Variants in MGAM observed in about 807,000 individuals in gnomAD.
MGAM encodes the protein maltase-glucoamylase, also known as alpha-1,4-glucosidase.
Under a neutral mutation model 358.8 loss-of-function variants are expected in MGAM, and 253 were observed. That is an observed-to-expected ratio of 0.71 (90% CI 0.64 to 0.78). The LOEUF (loss-of-function observed/expected upper bound fraction) is 0.78. Among genes scored for constraint, MGAM ranks in the 30% least tolerant of loss-of-function variants. MGAM has a pLI of 0.00. For missense variants in MGAM, 3,080 were observed against 3,432.6 expected, an observed-to-expected ratio of 0.90 and a Z score of 2.57; for synonymous variants, 1,105 against 1,227.1, an observed-to-expected ratio of 0.90 and a Z score of 2.08.
At position 142,080,801 on chromosome 7, in the gene MGAM, C is replaced by A; in HGVS notation, c.5858C>A (p.Pro1953His). Residue 1953 changes from proline to histidine, a missense_variant, in exon 50 of 71, where the codon CCC becomes CAC. Pro to His is a moderately conservative substitution (Grantham distance 77, BLOSUM62 -2). Around this residue, in one of 5 missense-constraint regions of MGAM, gnomAD observed 932 missense variants for 1,198.2 expected, o/e 0.78. Coordinates refer to ENST00000475668, the MANE Select transcript of MGAM (RefSeq NM_001365693.1). Reference protein sequence around the residue: ...NEMLQFKIYDPNNNRYEVPVP... With the variant: ...NEMLQFKIYDHNNNRYEVPVP... ...TTTCCTCTGGCCTAGATTTATGATC[C>A]CAACAACAATCGGTATGAAGTTCCA... The A allele has an allele frequency of 6.4e-7, 1 of 1,554,168 alleles. No individual in the cohort carries two copies. The highest frequency in any genetic ancestry group is 8.8e-7 in the Non-Finnish European group (1 of 1,131,240).
chr7:142,061,463 T>C (rs1812193016), intron 34 of MGAM, among the ~76,000 whole-genome samples: 1 of 152,190 alleles, frequency 6.6e-6, no homozygotes, highest in Admixed American at 6.5e-5. Context: ...ACCCACTGTC[T>C]TCTCACATCC....
rs763498199 is a variant in MGAM at position 142,094,362 on chromosome 7, A to G, written c.7173-2A>G. 1 of 1,519,216 alleles carries G rather than the reference A, an allele frequency of 6.6e-7. No individual in the cohort carries two copies. The highest frequency in any genetic ancestry group is 1.9e-5 in the Admixed American group (1 of 53,704). The allele number at this position is 1,519,216 out of a possible 1,614,324, so 94.1% of individuals were successfully genotyped here. ...GTTCACCTCCTTTTCCCCTCCAACC[A>G]GAGCCGTGCAGGAGGTGACAGGACA... On this transcript the variant is annotated splice_acceptor_variant, in intron 60 of 70. Coordinates refer to ENST00000475668, the MANE Select transcript of MGAM (RefSeq NM_001365693.1). LOFTEE classifies it high-confidence loss of function.
rs566378938 is a variant in MGAM, at chr7:142,038,916, G to A, written c.2316+301G>A. ...TATACAGAAATTCCTGACACTGAGT[G>A]ATTTACAAAGAAAAGAGATTTCATT... On this transcript the variant is annotated intron_variant, in intron 19 of 70. Coordinates refer to ENST00000475668, the MANE Select transcript of MGAM (RefSeq NM_001365693.1). Among the ~76,000 whole-genome samples, 5 of 152,214 alleles carry A rather than the reference G, an allele frequency of 3.3e-5. No individual in the cohort carries two copies. In the South Asian group the frequency reaches 1.0e-3, roughly 32 times the overall value.
rs1808767148 is a variant in MGAM, at chr7:142,041,986, TAATATATATATATTATATATATA to T, written c.2498+1142_2498+1164del. 8.3e-4 allele frequency among the ~76,000 whole-genome samples: 13 copies of T among 15,578 alleles called. 1 individual carries two copies. The South Asian group carries it at 0.011, about 13-fold the overall frequency. 10.2% of individuals were successfully genotyped at this position (15,578 alleles called of 152,430 possible). On this transcript the variant is annotated intron_variant, in intron 21 of 70. Transcript: ENST00000475668. ...ATATATATATTATATATATATAATA[TAATATATATATATTATATATATA>T]ATATAATATATATATATTATATTAT...
At chr7:142,058,830 A>G (rs1233662963) in intron 31 of MGAM, among the ~76,000 whole-genome samples, 1 of 152,174 alleles carries the variant, frequency 6.6e-6, no homozygotes, top group Non-Finnish European at 1.5e-5. Context: ...AAGAAACCTT[A>G]TCCTTCAGTG....
intron 70 of MGAM, among the ~76,000 whole-genome samples, chr7:142,105,238 A>C (rs370882748): frequency 1.1e-4 from 17 of 152,182 alleles, no homozygotes; most frequent in African/African-American, 4.1e-4. Context: ...AATGGAAAAG[A>C]GGGCATTCTC....
intron 33 of MGAM, 135 bp from the exon 34 acceptor site, chr7:142,060,176 T>G (rs1811993748): frequency 2.2e-6 from 3 of 1,361,684 alleles, no homozygotes; most frequent in Admixed American, 4.0e-5. Context: ...AGTTCACTTT[T>G]CTTTTATGTC....
At chr7:142,009,245 C>T (rs1554453615) in intron 3 of MGAM, among the ~76,000 whole-genome samples, 1 of 152,144 alleles carries the variant, frequency 6.6e-6, no homozygotes, top group East Asian at 1.9e-4. Flanking sequence ...AAAGACAGTG[C>T]AGACATCTGG....
At chr7:142,088,743 GTCTGTCTATCTA>G (rs1262530420) in intron 57 of MGAM, among the ~76,000 whole-genome samples, 2,909 of 96,450 alleles carry the variant, frequency 0.03, 103 homozygotes, top group African/African-American at 0.072. Context: ...CTGTCTGTCT[GTCTGTCTATCTA>G]TCTATCTATC....
chr7:142,083,186 G>C (rs147205854), intron 52 of MGAM, 115 bp from the exon 53 acceptor site: 2 of 774,800 alleles, frequency 2.6e-6, no homozygotes, highest in African/African-American at 3.4e-5. Context: ...AGAAAATACT[G>C]GCTCTTACTA....
At position 142,095,575 on chromosome 7, in the gene MGAM, C is replaced by G. The variant is rs779149190; in HGVS notation, c.7469C>G (p.Pro2490Arg). 1.9e-6 allele frequency: 3 copies of G among 1,613,376 alleles called. No homozygotes were observed. The highest frequency in any genetic ancestry group is 1.7e-6 in the Non-Finnish European group (2 of 1,179,734). Residue 2490 changes from proline (P) to arginine (R), a missense_variant, in exon 64 of 71, where the codon CCT (proline) becomes CGT (arginine). Physicochemically the swap from Pro to Arg is moderately radical, Grantham distance 103. This residue lies in a region of MGAM where 932 missense variants were observed against 1,198.2 expected (regional missense o/e 0.78). Transcript: ENST00000475668. ...CTCTTTCTCCTTTAGAGACAAGACC[C>G]TGTGTCCTGGGATGTTGCTTTTGTG... ...HNTIGTRRQD[P>R]VSWDVAFVNI...
rs1814337062 is a variant in MGAM at position 142,081,967 on chromosome 7, T to C, written c.6003-75T>C. ...TGGGTAGGAATCAAGTGTTCTGTTG[T>C]CCTTGAAAAGTCAGCTGCTGGAAGC... On this transcript the variant is annotated intron_variant, in intron 50 of 70. Transcript: ENST00000475668. 19 of 1,399,638 alleles carry C rather than the reference T, an allele frequency of 1.4e-5. 1 individual carries two copies. Among genetic ancestry groups the C allele is most frequent in the Non-Finnish European group, 1.8e-5 (18 of 996,386 alleles). The allele number at this position is 1,399,638 out of a possible 1,614,324, so 86.7% of individuals were successfully genotyped here. A position where few individuals can be genotyped will look rare whatever the true frequency, so the allele number is the denominator to read the frequency against.
intron 3 of MGAM, among the ~76,000 whole-genome samples, chr7:142,018,750 A>C (rs533036434): frequency 6.6e-6 from 1 of 152,294 alleles, no homozygotes; most frequent in Non-Finnish European, 1.5e-5. Context: ...AATCCATATA[A>C]ATGTAAGGCA....
chr7:142,076,369 G>T (rs1813731714), intron 46 of MGAM, 117 bp downstream of exon 46: 2 of 1,061,828 alleles, frequency 1.9e-6, no homozygotes, highest in Non-Finnish European at 2.9e-6. Flanking sequence ...TTGGCTATAG[G>T]TGAGCACATT....
chr7:142,010,538 A>G (rs1444429601), intron 3 of MGAM, among the ~76,000 whole-genome samples: 1 of 152,024 alleles, frequency 6.6e-6, no homozygotes, highest in African/African-American at 2.4e-5. Context: ...TTTCATTTCC[A>G]TTCTTGCAGC....
intron 29 of MGAM, 48 bp from the exon 30 acceptor site, chr7:142,056,782 G>T: frequency 1.9e-6 from 3 of 1,582,702 alleles, no homozygotes; most frequent in Middle Eastern, 4.3e-4. Flanking sequence ...GGGGTGATTC[G>T]TGACATGGAA....
In MGAM at chr7:142,050,240, G is replaced by A. The variant is rs1810812462; in HGVS notation, c.2593G>A (p.Val865Met). 2.5e-6 allele frequency: 4 copies of A among 1,613,822 alleles called. No homozygotes were observed. The highest frequency in any genetic ancestry group is 1.1e-5 in the South Asian group (1 of 91,088). ...TGTCTTTCTCTCACTTTCAGATACT[G>A]TGGCCAATAAAGTGTATCTTTTATG... is the stretch of plus-strand genomic sequence containing the variant. ...FWDNGETKDT[V>M]ANKVYLLCEF... Residue 865 changes from valine (V) to methionine (M), a missense_variant, in exon 23 of 71, where the codon GTG (valine) becomes ATG (methionine). Physicochemically the swap from Val to Met is conservative, Grantham distance 21. Coordinates refer to ENST00000475668, the MANE Select transcript of MGAM (RefSeq NM_001365693.1).
In MGAM at chr7:142,047,521, T is replaced by C. The variant is rs115144377; in HGVS notation, c.2499-264T>C. Among the ~76,000 whole-genome samples the C allele has an allele frequency of 2.4e-3, 362 of 152,284 alleles. 1 individual carries two copies. The highest frequency in any genetic ancestry group is 8.2e-3 in the African/African-American group (342 of 41,560). ...TAGTAGTTGCAGAAGCAGCTTTTAT[T>C]TGAGTTATTGCAGTGCCTCTGGTGC... On this transcript the variant is annotated intron_variant, in intron 21 of 70. Transcript: ENST00000475668.
chr7:142,049,045 G>C (rs10259080), intron 22 of MGAM, among the ~76,000 whole-genome samples: 10,502 of 152,044 alleles, frequency 0.069, 1,183 homozygotes, highest in African/African-American at 0.24. Context: ...AAGAACAACA[G>C]TTATACTGTC....
Sources: gnomAD v4.1 joint callset for allele counts (sites outside exome capture counted in the v4.1 genomes callset) on GRCh38, gnomAD v4.1.1 for gene constraint, gnomAD v4.1.1 regional missense constraint, MANE v1.5 for transcripts, NCBI Gene and HGNC (gene_info 2026-07-23, HGNC 2026-07-21) for gene names.